Variants in OPRM1 observed in about 807,000 individuals in gnomAD.
The protein encoded by OPRM1 is opioid receptor mu 1, also known as mu-type opioid receptor.
In OPRM1, 27 loss-of-function variants were observed where a neutral mutation model predicts 31.8. The observed-to-expected ratio is 0.85, with a 90% CI of 0.63 to 1.17. OPRM1 has a LOEUF of 1.17. Ranked by LOEUF, OPRM1 falls within the 50% of genes most tolerant of loss-of-function variation. The pLI is 0.00. For missense variants in OPRM1, 536 were observed against 511.1 expected, an observed-to-expected ratio of 1.05 and a Z score of -0.47; for synonymous variants, 196 against 189.9, an observed-to-expected ratio of 1.03 and a Z score of -0.26.
intron 1 of OPRM1, among the ~76,000 whole-genome samples, chr6:154,089,460 C>T (rs896664744): frequency 6.6e-6 from 1 of 151,766 alleles, no homozygotes; most frequent in Non-Finnish European, 1.5e-5. Context: ...TGGTGGCATG[C>T]ACCTGGGATC....
intron 3 of OPRM1, among the ~76,000 whole-genome samples, chr6:154,139,904 C>T (rs575764067): frequency 5.4e-4 from 82 of 152,194 alleles, no homozygotes; most frequent in African/African-American, 1.9e-3. Flanking sequence ...TCCCCTGGCC[C>T]GCAGTTTAAA....
chr6:154,010,515 G>A lies in OPRM1; in HGVS notation c.-504G>A, dbSNP rs1032347033. 4 of 1,543,014 alleles carry A rather than the reference G, an allele frequency of 2.6e-6. No individual in the cohort carries two copies. The African/African-American group carries it at 5.5e-5, about 21-fold the overall frequency. On this transcript the variant is annotated 5_prime_UTR_variant, in exon 1 of 6. Coordinates refer to the OPRM1 transcript ENST00000434900. ...TTGTTTGTCTTCCTGTAAAGAAAAT[G>A]ATGAGGGCTAAATCCATCAGCACCA... is the stretch of plus-strand genomic sequence containing the variant.
rs147577233 is a variant in OPRM1 at position 154,146,268 on chromosome 6, C to T, written c.1164+54796C>T. 4.4e-3 allele frequency among the ~76,000 whole-genome samples: 671 copies of T among 152,276 alleles called. 7 individuals are homozygous for T. Among genetic ancestry groups the T allele is most frequent in the African/African-American group, 0.016 (648 of 41,570 alleles). On this transcript the variant is annotated intron_variant, in intron 3 of 3. Transcript: ENST00000337049. ...TACAAAAATCAGCTGAGCGCGGTGG[C>T]GGGCGCCTGTGATCTCAGCTACTCA...
At chr6:154,245,133 A>G (rs1780921933) in intron 3 of OPRM1, among the ~76,000 whole-genome samples, 1 of 152,218 alleles carries the variant, frequency 6.6e-6, no homozygotes, top group South Asian at 2.1e-4. Flanking sequence ...AATTTGGGTA[A>G]AACCATACAT....
At chr6:154,224,508 G>A (rs1305278850) in intron 3 of OPRM1, among the ~76,000 whole-genome samples, 4 of 150,724 alleles carry the variant, frequency 2.7e-5, no homozygotes, top group Non-Finnish European at 5.9e-5. Context: ...AGGTGTTCAC[G>A]TTCAGCCCAG....
intron 1 of OPRM1, among the ~76,000 whole-genome samples, chr6:154,015,411 G>A (rs1211479254): frequency 6.6e-6 from 1 of 152,002 alleles, no homozygotes; most frequent in Non-Finnish European, 1.5e-5. Context: ...AAACTGAAAA[G>A]ATGAACTTTT....
At chr6:154,085,888 CTT>C (rs779654564) in intron 1 of OPRM1, among the ~76,000 whole-genome samples, 21 of 123,890 alleles carry the variant, frequency 1.7e-4, no homozygotes, top group Admixed American at 1.7e-4. Context: ...AAAGCTTGCC[CTT>C]TTTTTTTTTT....
intron 3 of OPRM1, among the ~76,000 whole-genome samples, chr6:154,152,314 A>G (rs1798529002): frequency 3.0e-5 from 2 of 65,682 alleles, no homozygotes; most frequent in African/African-American, 1.1e-4. Context: ...AAAGAAAGAA[A>G]GAAAGAAAGA....
chr6:154,056,836 G>T (rs1783409614), intron 1 of OPRM1, among the ~76,000 whole-genome samples: 1 of 152,074 alleles, frequency 6.6e-6, no homozygotes, highest in Admixed American at 6.5e-5. Context: ...AAGAACAAGG[G>T]AAATTATTAT....
At chr6:154,072,195 G>T (rs1027229547) in intron 1 of OPRM1, among the ~76,000 whole-genome samples, 7 of 152,186 alleles carry the variant, frequency 4.6e-5, no homozygotes, top group African/African-American at 1.7e-4. Flanking sequence ...TCCTAAGAAT[G>T]TGAGATGATC....
intron 1 of OPRM1, among the ~76,000 whole-genome samples, chr6:154,020,841 G>C (rs1778325564): frequency 6.6e-6 from 1 of 152,196 alleles, no homozygotes; most frequent in African/African-American, 2.4e-5. Context: ...TCTTTGGTAA[G>C]TTTTTAGAGT....
chr6:154,241,168 G>A (rs3930218), intron 3 of OPRM1, among the ~76,000 whole-genome samples: 17,245 of 150,364 alleles, frequency 0.11, 2,031 homozygotes, highest in East Asian at 0.68. Context: ...CCCGGGAGGC[G>A]GAGGTTGCAG....
At chr6:154,137,255 G>A (rs1415000711), downstream of OPRM1, among the ~76,000 whole-genome samples, 4 of 152,104 alleles carry the variant, frequency 2.6e-5, no homozygotes, top group African/African-American at 7.2e-5. Flanking sequence ...TGGGCTTATG[G>A]TAAAGAGAAT....
intron 3 of OPRM1, chr6:154,155,990 A>G (rs1317772742): frequency 6.6e-6 from 1 of 152,252 alleles, no homozygotes; most frequent in Non-Finnish European, 1.5e-5. Context: ...AGAAGGTCAA[A>G]GGACCAACCT....
intron 1 of OPRM1, among the ~76,000 whole-genome samples, chr6:154,071,987 A>C (rs961211052): frequency 2.6e-5 from 4 of 152,178 alleles, no homozygotes; most frequent in Non-Finnish European, 4.4e-5. Flanking sequence ...AATACCACAG[A>C]CTGATGGTTA....
At chr6:154,153,996 C>T (rs544224111) in intron 3 of OPRM1, among the ~76,000 whole-genome samples, 1 of 152,304 alleles carries the variant, frequency 6.6e-6, no homozygotes, top group African/African-American at 2.4e-5. Flanking sequence ...TTTACTAATA[C>T]CTTTGGTCTA....
chr6:154,137,848 G>A (rs75376849), intron 3 of OPRM1, among the ~76,000 whole-genome samples: 1,771 of 152,296 alleles, frequency 0.012, 34 homozygotes, highest in African/African-American at 0.041. Context: ...GAATTTGCAT[G>A]AGCCAGACAC....
chr6:154,135,010 G>A (rs1325826561), downstream of OPRM1, among the ~76,000 whole-genome samples: 2 of 152,184 alleles, frequency 1.3e-5, no homozygotes, highest in Non-Finnish European at 2.9e-5. Flanking sequence ...CAGTCTGGTG[G>A]CCAGCCAAGA....
intron 3 of OPRM1, among the ~76,000 whole-genome samples, chr6:154,223,984 T>C (rs936366016): frequency 3.3e-5 from 5 of 152,210 alleles, no homozygotes; most frequent in African/African-American, 1.2e-4. Context: ...ATAATCACTG[T>C]CCCACCTCTC....
Sources: gnomAD v4.1 joint callset for allele counts (sites outside exome capture counted in the v4.1 genomes callset) on GRCh38, gnomAD v4.1.1 for gene constraint, MANE v1.5 for transcripts, NCBI Gene and HGNC (gene_info 2026-07-23, HGNC 2026-07-21) for gene names.